The following ABTB3 variants were observed in gnomAD, a reference collection of about 807,000 sequenced individuals.
The protein encoded by ABTB3 is ankyrin repeat and BTB domain containing 3.
the ABTB3 span, among the ~76,000 whole-genome samples, chr12:107,632,459 T>G: frequency 6.6e-6 from 1 of 152,346 alleles, no homozygotes; most frequent in South Asian, 2.1e-4. Context: ...AGGTCTTATC[T>G]TTTTTATGAC....
At chr12:107,355,439 C>G in the ABTB3 span, among the ~76,000 whole-genome samples, 1 of 152,168 alleles carries the variant, frequency 6.6e-6, no homozygotes, top group African/African-American at 2.4e-5. Context: ...CATCAGGGAG[C>G]CCCAGAAGCT....
At chr12:107,410,252 T>A in the ABTB3 span, among the ~76,000 whole-genome samples, 3 of 144,328 alleles carry the variant, frequency 2.1e-5, no homozygotes, top group African/African-American at 7.9e-5. Flanking sequence ...AAAAGTCAGC[T>A]ACGCTAAGGA....
the ABTB3 span, chr12:107,618,498 G>C: frequency 1.2e-6 from 1 of 842,974 alleles, no homozygotes; most frequent in Non-Finnish European, 1.8e-6. Context: ...GCACACACAC[G>C]TGCACACACA....
At chr12:107,341,335 T>C in the ABTB3 span, among the ~76,000 whole-genome samples, 1 of 152,094 alleles carries the variant, frequency 6.6e-6, no homozygotes, top group Non-Finnish European at 1.5e-5. Context: ...TTGACTAGAC[T>C]CCCTGGCAGG....
chr12:107,657,061 A>G, the ABTB3 span, among the ~76,000 whole-genome samples: 1 of 151,306 alleles, frequency 6.6e-6, no homozygotes, highest in Non-Finnish European at 1.5e-5. Context: ...CAAAAAAAAG[A>G]ATGAAAGGAT....
the ABTB3 span, among the ~76,000 whole-genome samples, chr12:107,432,886 C>T: frequency 1.4e-4 from 22 of 152,122 alleles, no homozygotes; most frequent in African/African-American, 4.3e-4. Context: ...TCATTCTTAA[C>T]GAGATTGTGT....
chr12:107,619,437 G>A, the ABTB3 span, among the ~76,000 whole-genome samples: 1 of 152,112 alleles, frequency 6.6e-6, no homozygotes, highest in South Asian at 2.1e-4. Flanking sequence ...TTCTTATTCG[G>A]GTATAAATAT....
chr12:107,347,007 T>C, the ABTB3 span, among the ~76,000 whole-genome samples: 2 of 152,210 alleles, frequency 1.3e-5, no homozygotes, highest in East Asian at 3.8e-4. Flanking sequence ...TAAAACTTAC[T>C]GGGGGTAATC....
the ABTB3 span, among the ~76,000 whole-genome samples, chr12:107,354,845 C>A: frequency 2.0e-5 from 3 of 152,178 alleles, no homozygotes; most frequent in Non-Finnish European, 2.9e-5. Context: ...ATACCCTTAA[C>A]CCCTGGCAAT....
the ABTB3 span, among the ~76,000 whole-genome samples, chr12:107,588,643 C>T: frequency 6.6e-6 from 1 of 152,132 alleles, no homozygotes; most frequent in African/African-American, 2.4e-5. Flanking sequence ...GCCACAGCCT[C>T]CTGAGTAGCT....
At chr12:107,470,923 GGGAGGGT>G in the ABTB3 span, among the ~76,000 whole-genome samples, 1 of 152,224 alleles carries the variant, frequency 6.6e-6, no homozygotes, top group African/African-American at 2.4e-5. Context: ...TGACAGGAAA[GGGAGGGT>G]GAGATGTGGA....
the ABTB3 span, among the ~76,000 whole-genome samples, chr12:107,587,331 G>C: frequency 5.3e-5 from 8 of 152,232 alleles, no homozygotes; most frequent in Non-Finnish European, 8.8e-5. Flanking sequence ...GCGGGCAGGG[G>C]CAGGGGAGCC....
the ABTB3 span, among the ~76,000 whole-genome samples, chr12:107,345,877 A>G: frequency 1.3e-5 from 2 of 152,326 alleles, no homozygotes; most frequent in South Asian, 4.1e-4. Context: ...ACGTAAGGAG[A>G]TGGCTGCTCT....
At chr12:107,335,400 A>C in the ABTB3 span, among the ~76,000 whole-genome samples, 1,179 of 147,928 alleles carry the variant, frequency 8.0e-3, 23 homozygotes, top group African/African-American at 0.027. Flanking sequence ...ATGTTTTCCT[A>C]AGGGGATAGA....
the ABTB3 span, chr12:107,642,199 G>A: frequency 1.9e-6 from 3 of 1,604,316 alleles, no homozygotes; most frequent in African/African-American, 2.7e-5. Context: ...CCTGGCCTCT[G>A]TGCTGGTTGG....
chr12:107,552,593 T>A, the ABTB3 span, among the ~76,000 whole-genome samples: 22,800 of 152,184 alleles, frequency 0.15, 2,000 homozygotes, highest in East Asian at 0.24. Flanking sequence ...TCATTGGACA[T>A]GAAATTTAGT....
At chr12:107,629,285 C>G in the ABTB3 span, among the ~76,000 whole-genome samples, 1 of 152,064 alleles carries the variant, frequency 6.6e-6, no homozygotes, top group Admixed American at 6.5e-5. Flanking sequence ...TAGCTGGGCA[C>G]AGTGGTGCAC....
the ABTB3 span, among the ~76,000 whole-genome samples, chr12:107,354,723 A>G: frequency 6.6e-6 from 1 of 152,194 alleles, no homozygotes. Context: ...TGAGCAGTGT[A>G]CGAGAGTTCC....
chr12:107,480,214 G>A, the ABTB3 span, among the ~76,000 whole-genome samples: 4,665 of 152,250 alleles, frequency 0.031, 116 homozygotes, highest in South Asian at 0.07. Flanking sequence ...GTTAGCATTA[G>A]CTAAAGTATA....
Sources: allele counts gnomAD v4.1 joint callset (sites outside exome capture counted in the v4.1 genomes callset), GRCh38; gene constraint gnomAD v4.1.1; transcripts MANE v1.5; gene names NCBI Gene and HGNC (gene_info 2026-07-23, HGNC 2026-07-21).